Variants in KIAA1328 observed in about 807,000 individuals in gnomAD.
KIAA1328 encodes protein hinderin.
KIAA1328 carries 52 observed loss-of-function variants against 68.1 expected under a neutral mutation model. That is an observed-to-expected ratio of 0.76 (90% confidence interval 0.61 to 0.96). The LOEUF is 0.96. Among genes scored for constraint, KIAA1328 ranks in the 40% least tolerant of loss-of-function variants. The pLI is 0.00. For synonymous variants in KIAA1328, 232 were observed against 239.4 expected, an observed-to-expected ratio of 0.97 and a Z score of 0.28; for missense variants, 641 against 677.6, an observed-to-expected ratio of 0.95 and a Z score of 0.60.
intron 5 of KIAA1328, among the ~76,000 whole-genome samples, chr18:36,956,492 T>G (rs185602935): frequency 6.6e-6 from 1 of 150,834 alleles, no homozygotes; most frequent in African/African-American, 2.5e-5. Flanking sequence ...AACATAAATC[T>G]TTCTCTCCAG....
intron 4 of KIAA1328, among the ~76,000 whole-genome samples, chr18:36,878,321 T>G (rs972302671): frequency 1.3e-5 from 2 of 152,174 alleles, no homozygotes; most frequent in African/African-American, 4.8e-5. Flanking sequence ...GGGTTGAAAA[T>G]TCTTTTAAGA....
chr18:37,028,841 G>A (rs1342841914), intron 6 of KIAA1328, among the ~76,000 whole-genome samples: 1 of 152,098 alleles, frequency 6.6e-6, no homozygotes, highest in Non-Finnish European at 1.5e-5. Context: ...TGCATATGTT[G>A]AACCAACCTT....
At chr18:37,127,669 T>C (rs1343528414) in intron 7 of KIAA1328, among the ~76,000 whole-genome samples, 6 of 152,228 alleles carry the variant, frequency 3.9e-5, no homozygotes. Context: ...CAAATTGATA[T>C]GTGGATTCAA....
intron 6 of KIAA1328, among the ~76,000 whole-genome samples, chr18:37,029,266 AT>A (rs2054723131): frequency 6.6e-6 from 1 of 151,858 alleles, no homozygotes; most frequent in Admixed American, 6.6e-5. Context: ...ATTTTCAGGA[AT>A]TTATCCATTT....
At chr18:36,993,206 A>G (rs2151423824) in intron 6 of KIAA1328, among the ~76,000 whole-genome samples, 1 of 152,334 alleles carries the variant, frequency 6.6e-6, no homozygotes, top group South Asian at 2.1e-4. Context: ...GCATGATTCT[A>G]AGGAGTTGAA....
intron 1 of KIAA1328, chr18:36,833,018 A>G (rs569858534): frequency 6.6e-6 from 1 of 150,662 alleles, no homozygotes; most frequent in African/African-American, 2.4e-5. Context: ...TTTTTTTTAC[A>G]TTTTTAGTAG....
chr18:36,980,872 G>C (rs1441481178), intron 6 of KIAA1328, among the ~76,000 whole-genome samples: 1 of 152,152 alleles, frequency 6.6e-6, no homozygotes, highest in Non-Finnish European at 1.5e-5. Flanking sequence ...CCCTTAAGAT[G>C]GGACTTGCTT....
At chr18:36,898,312 C>A (rs1213026245) in intron 5 of KIAA1328, among the ~76,000 whole-genome samples, 1 of 151,806 alleles carries the variant, frequency 6.6e-6, no homozygotes, top group Non-Finnish European at 1.5e-5. Context: ...CTTTTTGAAG[C>A]AAAAAGTTTT....
intron 6 of KIAA1328, among the ~76,000 whole-genome samples, chr18:37,040,017 C>T (rs1276812714): frequency 6.6e-6 from 1 of 152,144 alleles, no homozygotes; most frequent in Non-Finnish European, 1.5e-5. Flanking sequence ...ATAGAGGCTG[C>T]ACACATTTCT....
chr18:36,936,271 C>T (rs1258543116), intron 5 of KIAA1328, among the ~76,000 whole-genome samples: 1 of 152,102 alleles, frequency 6.6e-6, no homozygotes, highest in African/African-American at 2.4e-5. Context: ...TAAGTTCCCT[C>T]CCTTCACCAC....
At chr18:36,963,361 C>T (rs1303013619) in intron 6 of KIAA1328, among the ~76,000 whole-genome samples, 3 of 152,056 alleles carry the variant, frequency 2.0e-5, no homozygotes, top group East Asian at 1.9e-4. Context: ...GGGCACAAAA[C>T]GGAAGGCCAA....
intron 6 of KIAA1328, among the ~76,000 whole-genome samples, chr18:37,036,987 TGTA>T (rs1032276167): frequency 1.1e-4 from 16 of 152,182 alleles, no homozygotes; most frequent in African/African-American, 3.9e-4. Context: ...AAAATTTTCT[TGTA>T]GTAATTTTTT....
chr18:36,875,155 C>T (rs1360358467), intron 4 of KIAA1328, among the ~76,000 whole-genome samples: 2 of 152,094 alleles, frequency 1.3e-5, no homozygotes, highest in East Asian at 1.9e-4. Context: ...GCTATATGGG[C>T]TCTTTTTTGG....
At chr18:37,161,110 A>G (rs547719722) in intron 8 of KIAA1328, among the ~76,000 whole-genome samples, 2 of 152,274 alleles carry the variant, frequency 1.3e-5, no homozygotes, top group South Asian at 4.1e-4. Flanking sequence ...TCTCCTGCTC[A>G]CACCTCTTTC....
chr18:36,835,008 A>G (rs1474600060), intron 2 of KIAA1328, among the ~76,000 whole-genome samples: 1 of 152,164 alleles, frequency 6.6e-6, no homozygotes, highest in African/African-American at 2.4e-5. Flanking sequence ...TGTCTCTTTA[A>G]AAAAATAAAT....
At chr18:37,191,791 G>C (rs1001976321) in intron 9 of KIAA1328, among the ~76,000 whole-genome samples, 2 of 151,942 alleles carry the variant, frequency 1.3e-5, no homozygotes, top group African/African-American at 4.9e-5. Context: ...TCACAATCCT[G>C]ACCATCTATT....
chr18:37,003,097 A>C lies in KIAA1328; in HGVS notation c.576+43662A>C, dbSNP rs187533817. Among the ~76,000 whole-genome samples, 8 of 152,242 alleles carry C rather than the reference A, an allele frequency of 5.3e-5. No individual in the cohort carries two copies. In the East Asian group the frequency reaches 1.5e-3, roughly 29 times the overall value. ...GCCGACAACTTACATTGTGGAAAAA[A>C]CATTCTCTTCAAAAGTAGTGCTGGG... is the stretch of plus-strand genomic sequence containing the variant. On this transcript the variant is annotated intron_variant, in intron 6 of 9. Coordinates refer to ENST00000280020, the MANE Select transcript of KIAA1328 (RefSeq NM_020776.3).
intron 8 of KIAA1328, among the ~76,000 whole-genome samples, chr18:37,169,246 A>G (rs1345365993): frequency 6.6e-6 from 1 of 151,282 alleles, no homozygotes; most frequent in Admixed American, 6.6e-5. Context: ...GCTCACTGCA[A>G]CCTCTGCCTC....
chr18:36,993,874 G>A (rs567307395), intron 6 of KIAA1328, among the ~76,000 whole-genome samples: 23 of 151,640 alleles, frequency 1.5e-4, no homozygotes, highest in African/African-American at 5.3e-4. Context: ...AACAAACAGA[G>A]GTGTTTTATT....
Sources: gnomAD v4.1 joint callset for allele counts (sites outside exome capture counted in the v4.1 genomes callset) on GRCh38, gnomAD v4.1.1 for gene constraint, MANE v1.5 for transcripts, NCBI Gene and HGNC (gene_info 2026-07-23, HGNC 2026-07-21) for gene names.